RUNDC3A: variants seen among roughly 807,000 people sequenced by gnomAD.
RUNDC3A encodes RUN domain-containing protein 3A.
Under a neutral mutation model 53.9 loss-of-function variants are expected in RUNDC3A, and 28 were observed. The observed-to-expected ratio is 0.52, with a 90% CI of 0.38 to 0.71. The LOEUF is 0.71. Ranked by LOEUF, RUNDC3A falls within the 30% of genes least tolerant of loss-of-function variation. The pLI, the probability that RUNDC3A is intolerant of heterozygous loss-of-function variation, is 0.00. For synonymous variants in RUNDC3A, 232 were observed against 249.4 expected, an observed-to-expected ratio of 0.93 and a Z score of 0.66; for missense variants, 491 against 597.3, an observed-to-expected ratio of 0.82 and a Z score of 1.85.
rs1398960297 is a variant in RUNDC3A at position 44,308,900 on chromosome 17, A to C, written c.68A>C (p.Asn23Thr). Residue 23 changes from asparagine to threonine, a missense_variant, in exon 1 of 11, where the codon AAC (asparagine) becomes ACC (threonine). Physicochemically the swap from Asn to Thr is moderately conservative, Grantham distance 65. Coordinates refer to ENST00000426726, the MANE Select transcript of RUNDC3A (RefSeq NM_001144825.2). The stretch of plus-strand genomic sequence containing the variant: ...TCCTCCAAGAAAGCGTCCTCTCGCA[A>C]CGTGGCTGTGGAGCGTAAGAACCTG... Reference protein sequence around the residue: ...GLSSKKASSRNVAVERKNLIT... With the variant: ...GLSSKKASSRTVAVERKNLIT... 3 of 1,610,626 alleles carry C rather than the reference A, an allele frequency of 1.9e-6. No homozygotes were observed. Among genetic ancestry groups the C allele is most frequent in the Non-Finnish European group, 2.5e-6 (3 of 1,178,346 alleles).
Position 44,318,081 on chromosome 17 carries a change from G to T in RUNDC3A, c.1199-15G>T. The T allele has an allele frequency of 1.3e-6, 2 of 1,549,776 alleles. No homozygotes were observed. The highest frequency in any genetic ancestry group is 1.7e-6 in the Non-Finnish European group (2 of 1,145,688). On this transcript the variant is annotated splice_polypyrimidine_tract_variant and intron_variant, in intron 10 of 10. Transcript: ENST00000426726. Reference sequence around the variant, plus strand: ...GTAGACTGGTCGCTTGGCCTCACCTGCCCTCTCTCCCCAGGGAAGGACCCC... The same window carrying T: ...GTAGACTGGTCGCTTGGCCTCACCTTCCCTCTCTCCCCAGGGAAGGACCCC...
At chr17:44,314,567 G>A (rs769008918) in intron 4 of RUNDC3A, 168 bp from the exon 5 acceptor site, 15 of 1,442,102 alleles carry the variant, frequency 1.0e-5, no homozygotes, top group Non-Finnish European at 7.3e-6. Flanking sequence ...CCACAGGTGC[G>A]AGCCCCAGGC....
rs563233289 is a variant in RUNDC3A at position 44,313,434 on chromosome 17, G to A, written c.389G>A (p.Arg130Gln). Reference sequence around the variant, plus strand: ...GATTTCCAGGGCCGGGCATGGATCCGGGTGGCACTGATGGAGAAGCGCATG... The same window carrying A: ...GATTTCCAGGGCCGGGCATGGATCCAGGTGGCACTGATGGAGAAGCGCATG... ...TARAKGRAWI[R>Q]VALMEKRMSE... The change falls in exon 4 of 11, where the codon CGG becomes CAG. Residue 130 changes from arginine to glutamine, a missense_variant. Around this residue, in one of 2 missense-constraint regions of RUNDC3A, gnomAD observed 273 missense variants for 389.0 expected, o/e 0.70. Transcript: ENST00000426726. 2.5e-6 allele frequency: 4 copies of A among 1,613,908 alleles called. No homozygotes were observed. The highest frequency in any genetic ancestry group is 1.7e-5 in the Admixed American group (1 of 60,016).
rs374238223 is a variant in RUNDC3A, at chr17:44,316,488, G to T, written c.1057G>T (p.Ala353Ser). The T allele has an allele frequency of 6.2e-7, 1 of 1,612,818 alleles. No individual in the cohort carries two copies. The highest frequency in any genetic ancestry group is 8.5e-7 in the Non-Finnish European group (1 of 1,179,712). The change falls in exon 9 of 11, where the codon GCC (alanine) becomes TCC (serine). Residue 353 changes from alanine (A) to serine (S), a missense_variant. Ala to Ser is a moderately conservative substitution (Grantham distance 99, BLOSUM62 1). This residue lies in a region of RUNDC3A where 218 missense variants were observed against 208.2 expected (regional missense o/e 1.05). Transcript: ENST00000426726. The part of the protein sequence containing the change: ...QWPSLGTLNG[A>S]EGASNSKLYR... ...GCCCTCACTGGGAACGCTTAATGGG[G>T]CCGAGGGCGCCAGCAACTCCAAGCT...
chr17:44,308,832 G>C lies in RUNDC3A; in HGVS notation c.-1G>C. 1 of 1,601,968 alleles carries C rather than the reference G, an allele frequency of 6.2e-7. No individual in the cohort carries two copies. The highest frequency in any genetic ancestry group is 8.5e-7 in the Non-Finnish European group (1 of 1,173,838). On this transcript the variant is annotated 5_prime_UTR_variant, in exon 1 of 11. Coordinates refer to ENST00000426726, the MANE Select transcript of RUNDC3A (RefSeq NM_001144825.2). ...GGCGGCAGCAGTGGCCGCACATCTG[G>C]ATGGAAGCGAGCTTTGTCCAGACCA...
Position 44,315,655 on chromosome 17 carries a change from C to G in RUNDC3A, c.953+46C>G. ...AACCCCTGACCCCCGCCGCCCCGAC[C>G]ACATCACCGGGTGAACCCCATCTTC... is the stretch of plus-strand genomic sequence containing the variant. On this transcript the variant is annotated intron_variant, in intron 8 of 10. Transcript: ENST00000426726. The surrounding 1 kb of genome is among the most constrained non-coding windows in gnomAD (Gnocchi z 6.1). 1 of 1,355,336 alleles carries G rather than the reference C, an allele frequency of 7.4e-7. No individual in the cohort carries two copies. The highest frequency in any genetic ancestry group is 9.6e-7 in the Non-Finnish European group (1 of 1,043,212). 84.0% of individuals were successfully genotyped at this position (1,355,336 alleles called of 1,614,324 possible). A position where few individuals can be genotyped will look rare whatever the true frequency, so the allele number is the denominator to read the frequency against.
rs1409413120 is a variant in RUNDC3A, at chr17:44,316,614, C to G, written c.1092-5C>G. The G allele has an allele frequency of 6.4e-7, 1 of 1,552,620 alleles. No homozygotes were observed. The highest frequency in any genetic ancestry group is 8.7e-7 in the Non-Finnish European group (1 of 1,147,846). On this transcript the variant is annotated splice_region_variant and splice_polypyrimidine_tract_variant and intron_variant, in intron 9 of 10. Coordinates refer to ENST00000426726, the MANE Select transcript of RUNDC3A (RefSeq NM_001144825.2). ...ACCGGCGCACCAGCTCTCGCTCTGC[C>G]GCAGACACAGCTTCATGAGCACGGA...
chr17:44,316,969 C>T lies in RUNDC3A; in HGVS notation c.1198+244C>T, dbSNP rs1000564459. 6.5e-6 allele frequency: 3 copies of T among 464,934 alleles called. No homozygotes were observed. In the East Asian group the frequency reaches 9.9e-5, roughly 15 times the overall value. The allele number at this position is 464,934 out of a possible 1,614,324, so 28.8% of individuals were successfully genotyped here. A position where few individuals can be genotyped will look rare whatever the true frequency, so the allele number is the denominator to read the frequency against. Reference sequence around the variant, plus strand: ...TCCCGAGTAGCTGGGATTAAAAGCGCCTGCCACCACGCGCAGCTAATTTGT... The same window carrying T: ...TCCCGAGTAGCTGGGATTAAAAGCGTCTGCCACCACGCGCAGCTAATTTGT... On this transcript the variant is annotated intron_variant, in intron 10 of 10. Coordinates refer to ENST00000426726, the MANE Select transcript of RUNDC3A (RefSeq NM_001144825.2).
Position 44,312,575 on chromosome 17 carries a change from C to A in RUNDC3A, c.108-5C>A, listed in dbSNP as rs1394175119. 1.9e-6 allele frequency: 3 copies of A among 1,549,934 alleles called. No homozygotes were observed. The highest frequency in any genetic ancestry group is 2.6e-6 in the Non-Finnish European group (3 of 1,142,510). ...ACTGCCCCATCTCCCCACCTCGCCG[C>A]CCAGGTTCTCTGTGAAAACGCTGCT... is the stretch of plus-strand genomic sequence containing the variant. On this transcript the variant is annotated splice_polypyrimidine_tract_variant and splice_region_variant and intron_variant, in intron 1 of 10. Transcript: ENST00000426726.
At chr17:44,309,670 C>A (rs994143263) in intron 1 of RUNDC3A, among the ~76,000 whole-genome samples, 4 of 152,130 alleles carry the variant, frequency 2.6e-5, no homozygotes, top group African/African-American at 9.7e-5. Context: ...GCATGGCCAG[C>A]TGCTCAGCCA....
rs1474232216 is a variant in RUNDC3A at position 44,314,173 on chromosome 17, G to T, written c.459-562G>T. The T allele has an allele frequency of 4.0e-6, 4 of 994,882 alleles. No homozygotes were observed. In the East Asian group the frequency reaches 4.3e-4, roughly 107 times the overall value. 61.6% of individuals were successfully genotyped at this position (994,882 alleles called of 1,614,324 possible). A position where few individuals can be genotyped will look rare whatever the true frequency, so the allele number is the denominator to read the frequency against. ...AAACAACGAAAGCAGTTCTGTACTT[G>T]CTATTCACGGACACAGAGTCCTTAT... On this transcript the variant is annotated intron_variant, in intron 4 of 10. Coordinates refer to ENST00000426726, the MANE Select transcript of RUNDC3A (RefSeq NM_001144825.2).
At chr17:44,313,301 C>A in intron 3 of RUNDC3A, 49 bp downstream of exon 3, 1 of 1,608,170 alleles carries the variant, frequency 6.2e-7, no homozygotes, top group African/African-American at 1.3e-5. Context: ...ACACAGGGGG[C>A]CTGCCTGTTT....
Position 44,308,876 on chromosome 17 carries a change from C to G in RUNDC3A, c.44C>G (p.Ser15Cys). 6.2e-7 allele frequency: 1 copy of G among 1,612,264 alleles called. No individual in the cohort carries two copies. Among genetic ancestry groups the G allele is most frequent in the Non-Finnish European group, 8.5e-7 (1 of 1,179,124 alleles). The stretch of plus-strand genomic sequence containing the variant: ...CAGACCACCATGGCTCTGGGGCTGT[C>G]CTCCAAGAAAGCGTCCTCTCGCAAC... ...FVQTTMALGL[S>C]SKKASSRNVA... Residue 15 changes from serine to cysteine, a missense_variant, in exon 1 of 11, where the codon TCC becomes TGC. Physicochemically the swap from Ser to Cys is moderately radical, Grantham distance 112. Coordinates refer to ENST00000426726, the MANE Select transcript of RUNDC3A (RefSeq NM_001144825.2).
intron 4 of RUNDC3A, 62 bp from the exon 5 acceptor site, chr17:44,314,672 TC>T (rs1196051195): frequency 1.5e-4 from 69 of 469,698 alleles, no homozygotes; most frequent in Non-Finnish European, 1.2e-4. Flanking sequence ...CAATAGCAGC[TC>T]TGGGGGGGGG....
At position 44,318,126 on chromosome 17, in the gene RUNDC3A, T is replaced by C. The variant is rs1295508924; in HGVS notation, c.1229T>C (p.Leu410Pro). The C allele has an allele frequency of 5.8e-6, 9 of 1,551,504 alleles. No individual in the cohort carries two copies. Among genetic ancestry groups the C allele is most frequent in the Non-Finnish European group, 7.8e-6 (9 of 1,146,922 alleles). The stretch of plus-strand genomic sequence containing the variant: ...GACCCCACGCCCTCCATGCTGGGCC[T>C]CTGCGGCTCCCTGGCCTCCATTCCC... Reference protein sequence around the residue: ...GKDPTPSMLGLCGSLASIPSC... With the variant: ...GKDPTPSMLGPCGSLASIPSC... The change falls in exon 11 of 11, where the codon CTC becomes CCC. Residue 410 changes from leucine to proline, a missense_variant. Leu to Pro is a moderately conservative substitution (Grantham distance 98). This residue lies in a region of RUNDC3A where 218 missense variants were observed against 208.2 expected (regional missense o/e 1.05). Coordinates refer to ENST00000426726, the MANE Select transcript of RUNDC3A (RefSeq NM_001144825.2).
intron 2 of RUNDC3A, 102 bp downstream of exon 2, chr17:44,312,797 A>G: frequency 7.5e-6 from 3 of 399,092 alleles, no homozygotes; most frequent in South Asian, 4.4e-5. Flanking sequence ...CCCAACTCCC[A>G]ACCTTTAGCT....
Position 44,318,125 on chromosome 17 carries a change from CT to C in RUNDC3A, c.1229del (p.Leu410ProfsTer24). 27 of 1,551,566 alleles carry C rather than the reference CT, an allele frequency of 1.7e-5. No homozygotes were observed. Among genetic ancestry groups the C allele is most frequent in the Non-Finnish European group, 2.4e-5 (27 of 1,146,974 alleles). On this transcript the variant is annotated frameshift_variant, in exon 11 of 11. Coordinates refer to ENST00000426726, the MANE Select transcript of RUNDC3A (RefSeq NM_001144825.2). LOFTEE classifies it high-confidence loss of function. Reference protein sequence around the residue: ...GKDPTPSMLGLCGSLASIPSC... With the variant: ...GKDPTPSMLGXCGSLASIPSC... Reference sequence around the variant, plus strand: ...GGACCCCACGCCCTCCATGCTGGGCCTCTGCGGCTCCCTGGCCTCCATTCCC... The same window carrying C: ...GGACCCCACGCCCTCCATGCTGGGCCCTGCGGCTCCCTGGCCTCCATTCCC...
In RUNDC3A at chr17:44,315,065, G is replaced by C; in HGVS notation, c.629+56G>C. 6.2e-7 allele frequency: 1 copy of C among 1,610,450 alleles called. No homozygotes were observed. The highest frequency in any genetic ancestry group is 1.3e-5 in the African/African-American group (1 of 74,768). ...GGGACGGGGCCTCGGGACATCCTGGGGACGTCCTGGTCCCACCGCCCTCAG... is the reference window on the plus strand; with the variant it reads ...GGGACGGGGCCTCGGGACATCCTGGCGACGTCCTGGTCCCACCGCCCTCAG... On this transcript the variant is annotated intron_variant, in intron 6 of 10. Coordinates refer to ENST00000426726, the MANE Select transcript of RUNDC3A (RefSeq NM_001144825.2). The surrounding 1 kb of genome is among the most constrained non-coding windows in gnomAD (Gnocchi z 6.1).
chr17:44,311,153 C>G (rs1182783391), intron 1 of RUNDC3A: 2 of 985,488 alleles, frequency 2.0e-6, no homozygotes, highest in Non-Finnish European at 2.4e-6. Context: ...TGACCTGGCT[C>G]TGATCTCAAG....
Sources: allele counts gnomAD v4.1 joint callset (sites outside exome capture counted in the v4.1 genomes callset), GRCh38; gene constraint gnomAD v4.1.1; regional missense constraint gnomAD v4.1.1; non-coding constraint Gnocchi (gnomAD v3.1); transcripts MANE v1.5; gene names NCBI Gene and HGNC (gene_info 2026-07-23, HGNC 2026-07-21).